Variants in SEMA5A observed in about 807,000 individuals in gnomAD.
The protein encoded by SEMA5A is semaphorin 5A.
A neutral mutation model predicts 135.5 loss-of-function variants in SEMA5A; 55 were observed. The observed-to-expected ratio is 0.41, with a 90% confidence interval of 0.33 to 0.51. The LOEUF is 0.51. SEMA5A is among the 20% of genes least tolerant of loss of function. SEMA5A has a pLI of 0.37. For synonymous variants in SEMA5A, 580 were observed against 546.5 expected, an observed-to-expected ratio of 1.06 and a Z score of -0.85; for missense variants, 1,290 against 1,419.9, an observed-to-expected ratio of 0.91 and a Z score of 1.47.
At chr5:9,150,503 A>AT (rs1234337020) in intron 12 of SEMA5A, among the ~76,000 whole-genome samples, 3 of 152,064 alleles carry the variant, frequency 2.0e-5, no homozygotes, top group South Asian at 2.1e-4. Context: ...TCAAAACACA[A>AT]TTTTTTTACT....
chr5:9,385,495 C>G (rs930157914), intron 2 of SEMA5A, among the ~76,000 whole-genome samples: 1 of 152,152 alleles, frequency 6.6e-6, no homozygotes, highest in African/African-American at 2.4e-5. Flanking sequence ...ATAGCCTAAT[C>G]TGTTGGTATA....
intron 3 of SEMA5A, among the ~76,000 whole-genome samples, chr5:9,346,281 C>A (rs563348937): frequency 1.2e-3 from 185 of 152,222 alleles, no homozygotes; most frequent in Admixed American, 2.6e-3. Flanking sequence ...CCTTCCTGCC[C>A]CATCCCCTTT....
chr5:9,162,013 T>C (rs1348607756), intron 11 of SEMA5A, among the ~76,000 whole-genome samples: 2 of 152,250 alleles, frequency 1.3e-5, no homozygotes, highest in African/African-American at 2.4e-5. Context: ...GCAGATGCCC[T>C]GTGGGAGTGA....
At chr5:9,349,711 C>T (rs1033411622) in intron 3 of SEMA5A, among the ~76,000 whole-genome samples, 2 of 151,976 alleles carry the variant, frequency 1.3e-5, no homozygotes, top group Non-Finnish European at 2.9e-5. Flanking sequence ...ACCATCCTGG[C>T]TAACACAGTG....
chr5:9,403,238 A>G (rs1756739107), intron 2 of SEMA5A, among the ~76,000 whole-genome samples: 2 of 152,344 alleles, frequency 1.3e-5, no homozygotes, highest in Admixed American at 6.5e-5. Flanking sequence ...ACAAAGTGAT[A>G]TAACTGTTTA....
intron 1 of SEMA5A, among the ~76,000 whole-genome samples, chr5:9,455,896 A>T (rs1758814877): frequency 6.6e-6 from 1 of 152,332 alleles, no homozygotes; most frequent in South Asian, 2.1e-4. Flanking sequence ...TTTGACTAAA[A>T]CTTACAGAAG....
intron 2 of SEMA5A, among the ~76,000 whole-genome samples, chr5:9,407,344 G>C (rs1168135691): frequency 2.0e-5 from 3 of 152,198 alleles, no homozygotes; most frequent in Non-Finnish European, 2.9e-5. Flanking sequence ...GCTACGCATA[G>C]TAATCAAAAC....
intron 10 of SEMA5A, among the ~76,000 whole-genome samples, chr5:9,193,962 T>TCTA (rs1357253703): frequency 6.6e-6 from 1 of 152,196 alleles, no homozygotes; most frequent in East Asian, 1.9e-4. Flanking sequence ...CAGGATCAGA[T>TCTA]CTACGCACTT....
intron 1 of SEMA5A, among the ~76,000 whole-genome samples, chr5:9,515,717 T>C (rs1736474047): frequency 6.6e-6 from 1 of 152,144 alleles, no homozygotes; most frequent in Non-Finnish European, 1.5e-5. Flanking sequence ...CAGATCCAGC[T>C]CCTTAAGAGC....
At chr5:9,044,658 A>G in intron 21 of SEMA5A, 74 bp from the exon 22 acceptor site, 1 of 1,274,440 alleles carries the variant, frequency 7.8e-7, no homozygotes, top group Admixed American at 1.8e-5. Context: ...CACTAGGATG[A>G]AAAGAGAAAG....
chr5:9,297,468 T>C (rs1173545764), intron 5 of SEMA5A, among the ~76,000 whole-genome samples: 1 of 152,184 alleles, frequency 6.6e-6, no homozygotes, highest in Non-Finnish European at 1.5e-5. Context: ...CCACTATGTG[T>C]GTGCCCTCAG....
rs1328448706 is a variant in SEMA5A, at chr5:9,035,529, T to A, written c.*7368A>T. The A allele has an allele frequency of 6.6e-6, 1 of 152,122 alleles. No homozygotes were observed. The highest frequency in any genetic ancestry group is 2.4e-5 in the African/African-American group (1 of 41,432). The allele number at this position is 152,122 out of a possible 1,614,324, so 9.4% of individuals were successfully genotyped here. A position where few individuals can be genotyped will look rare whatever the true frequency, so the allele number is the denominator to read the frequency against. On this transcript the variant is annotated 3_prime_UTR_variant, in exon 23 of 23. Coordinates refer to ENST00000382496, the MANE Select transcript of SEMA5A (RefSeq NM_003966.3). ...GCCACAATTGGTGTCTTAAGCTGATTTCAGAAAACAATGCATCTGTCAGAT... is the reference window on the plus strand; with the variant it reads ...GCCACAATTGGTGTCTTAAGCTGATATCAGAAAACAATGCATCTGTCAGAT...
At chr5:9,046,091 T>C (rs1252969072) in intron 21 of SEMA5A, among the ~76,000 whole-genome samples, 1 of 152,162 alleles carries the variant, frequency 6.6e-6, no homozygotes, top group Non-Finnish European at 1.5e-5. Context: ...TTCCTCTGTG[T>C]TGTTAGAACC....
At chr5:9,048,077 G>A (rs964606151) in intron 21 of SEMA5A, among the ~76,000 whole-genome samples, 2 of 152,168 alleles carry the variant, frequency 1.3e-5, no homozygotes, top group Middle Eastern at 3.4e-3. Flanking sequence ...CTGAGAATGG[G>A]AACACTTATA....
At chr5:9,469,691 T>G (rs1396922508) in intron 1 of SEMA5A, among the ~76,000 whole-genome samples, 1 of 152,172 alleles carries the variant, frequency 6.6e-6, no homozygotes, top group Non-Finnish European at 1.5e-5. Flanking sequence ...GACAAGAGAA[T>G]GTTTTTGTTC....
At chr5:9,265,513 T>A in intron 5 of SEMA5A, 1 of 456,434 alleles carries the variant, frequency 2.2e-6, no homozygotes, top group South Asian at 1.5e-5. Flanking sequence ...TGTGGCTTTG[T>A]GTGGTGTGTG....
intron 6 of SEMA5A, among the ~76,000 whole-genome samples, chr5:9,236,500 T>C (rs934203858): frequency 1.1e-4 from 16 of 152,130 alleles, no homozygotes; most frequent in Non-Finnish European, 1.5e-5. Context: ...TATTTAGAAA[T>C]CACCTCTTCA....
intron 1 of SEMA5A, among the ~76,000 whole-genome samples, chr5:9,482,317 G>C (rs753952683): frequency 2.0e-5 from 3 of 152,186 alleles, no homozygotes; most frequent in Non-Finnish European, 2.9e-5. Context: ...TGGGGTCTGA[G>C]ATCAGAGGAA....
intron 17 of SEMA5A, among the ~76,000 whole-genome samples, chr5:9,064,586 T>C (rs1737361304): frequency 2.0e-5 from 3 of 152,036 alleles, no homozygotes; most frequent in Non-Finnish European, 2.9e-5. Context: ...TAAGTGGGAA[T>C]TGAACAATGA....
Sources: gnomAD v4.1 joint callset for allele counts (sites outside exome capture counted in the v4.1 genomes callset) on GRCh38, gnomAD v4.1.1 for gene constraint, MANE v1.5 for transcripts, NCBI Gene and HGNC (gene_info 2026-07-23, HGNC 2026-07-21) for gene names.